The following ZNF451 variants were observed in gnomAD, a reference collection of about 807,000 sequenced individuals.
ZNF451 encodes zinc finger protein 451, also known as E3 SUMO-protein ligase ZNF451.
Under a neutral mutation model 107.1 loss-of-function variants are expected in ZNF451, and 80 were observed. The observed-to-expected ratio is 0.75, with a 90% CI of 0.62 to 0.90. ZNF451 has a LOEUF of 0.90. Among genes scored for constraint, ZNF451 ranks in the 40% least tolerant of loss-of-function variants. ZNF451 has a pLI of 0.00. For synonymous variants in ZNF451, 362 were observed against 406.5 expected (o/e 0.89, Z 1.32); for missense variants, 1,107 against 1,236.2 (o/e 0.90, Z 1.57).
In ZNF451 at chr6:57,118,504, C is replaced by G. The variant is rs201356968; in HGVS notation, c.187-6230C>G. On this transcript the variant is annotated intron_variant, in intron 3 of 14. Coordinates refer to ENST00000370706, the MANE Select transcript of ZNF451 (RefSeq NM_001031623.3). ...TAAATTTAATTTGACCTTTCTCCCC[C>G]TTTTTTTAGAAGAGAGTCTTGCTTT... is the stretch of plus-strand genomic sequence containing the variant. 1.7e-4 allele frequency among the ~76,000 whole-genome samples: 26 copies of G among 152,150 alleles called. No homozygotes were observed. The East Asian group carries it at 4.8e-3, about 28-fold the overall frequency.
chr6:57,152,259 AT>A lies in ZNF451; in HGVS notation c.2794del (p.Tyr932IlefsTer4). 1 of 1,613,838 alleles carries A rather than the reference AT, an allele frequency of 6.2e-7. No homozygotes were observed. Among genetic ancestry groups the A allele is most frequent in the Non-Finnish European group, 8.5e-7 (1 of 1,179,882 alleles). On this transcript the variant is annotated frameshift_variant, in exon 12 of 15. Transcript: ENST00000370706. LOFTEE classifies it high-confidence loss of function. ...TTGGAAGCCTCCGCTCAACTGTAAG[AT>A]TTATAACTACCTGAACAGGATTGGA... Reference protein sequence around the residue: ...TNWKPPLNCKIYNYLNRIGCF... With the variant: ...TNWKPPLNCKXYNYLNRIGCF...
intron 4 of ZNF451, 75 bp from the exon 5 acceptor site, chr6:57,128,654 A>T: frequency 1.1e-6 from 1 of 908,578 alleles, no homozygotes; most frequent in Non-Finnish European, 1.7e-6. Flanking sequence ...TTTTCTGATC[A>T]CTAATGTGTC....
intron 3 of ZNF451, among the ~76,000 whole-genome samples, chr6:57,120,683 A>C (rs1352988044): frequency 1.3e-5 from 2 of 152,062 alleles, no homozygotes; most frequent in African/African-American, 4.8e-5. Context: ...TGTAATCTGT[A>C]TATCTTCTTT....
intron 3 of ZNF451, chr6:57,108,940 T>C: frequency 1.0e-6 from 1 of 985,444 alleles, no homozygotes; most frequent in South Asian, 4.7e-5. Context: ...CAATTCAGCA[T>C]TATACTAGGC....
chr6:57,153,109 T>G (rs541487951), intron 12 of ZNF451, among the ~76,000 whole-genome samples: 40 of 152,296 alleles, frequency 2.6e-4, no homozygotes, highest in African/African-American at 9.1e-4. Flanking sequence ...CTCTGCAAAC[T>G]TGTTGACTGC....
intron 3 of ZNF451, among the ~76,000 whole-genome samples, chr6:57,119,480 C>G (rs181753916): frequency 2.0e-5 from 3 of 151,914 alleles, no homozygotes; most frequent in Non-Finnish European, 4.4e-5. Flanking sequence ...GCCGAGATCG[C>G]GCCACTGCAC....
intron 3 of ZNF451, chr6:57,102,657 G>T: frequency 7.1e-6 from 7 of 985,462 alleles, no homozygotes; most frequent in Non-Finnish European, 8.4e-6. Flanking sequence ...CAAGCTCTGT[G>T]AGACTTCAGA....
At chr6:57,102,327 C>CA (rs1829648096) in intron 3 of ZNF451, 1 of 1,208,990 alleles carries the variant, frequency 8.3e-7, no homozygotes, top group Non-Finnish European at 1.0e-6. Context: ...AAGGGTTGGA[C>CA]AAATGTTTAT....
chr6:57,164,010 T>G (rs1383009614), intron 14 of ZNF451, among the ~76,000 whole-genome samples: 2 of 152,202 alleles, frequency 1.3e-5, no homozygotes, highest in African/African-American at 2.4e-5. Context: ...TGAGAAATAG[T>G]GGCAGAAGAC....
chr6:57,113,876 C>A (rs1830239753), intron 3 of ZNF451, among the ~76,000 whole-genome samples: 1 of 152,160 alleles, frequency 6.6e-6, no homozygotes, highest in Admixed American at 6.5e-5. Flanking sequence ...CCACCTCGGC[C>A]TCCCAAAGTG....
intron 3 of ZNF451, chr6:57,102,995 A>G: frequency 1.0e-6 from 1 of 985,440 alleles, no homozygotes; most frequent in South Asian, 4.7e-5. Flanking sequence ...CCTTTCACCA[A>G]GATGGCCTTC....
rs1248364892 is a variant in ZNF451, at chr6:57,169,110, A to G, written c.*641A>G. The stretch of plus-strand genomic sequence containing the variant: ...AATACACCTTAATTTTTAAGAAATA[A>G]TTTAAATGAAACAATTTCCATTCCT... On this transcript the variant is annotated 3_prime_UTR_variant, in exon 15 of 15. Transcript: ENST00000370706. The G allele has an allele frequency of 6.6e-6, 1 of 152,218 alleles. No individual in the cohort carries two copies. Among genetic ancestry groups the G allele is most frequent in the Non-Finnish European group, 1.5e-5 (1 of 68,012 alleles). The allele number at this position is 152,218 out of a possible 1,614,324, so 9.4% of individuals were successfully genotyped here. A position where few individuals can be genotyped will look rare whatever the true frequency, so the allele number is the denominator to read the frequency against.
intron 3 of ZNF451, chr6:57,104,816 A>G (rs1003291538): frequency 3.0e-6 from 3 of 985,308 alleles, no homozygotes; most frequent in Non-Finnish European, 1.2e-6. Flanking sequence ...TGATATGCCC[A>G]AGTGTCTCCA....
rs138181965 is a variant in ZNF451 at position 57,122,122 on chromosome 6, TAAAC to T, written c.187-2609_187-2606del. Among the ~76,000 whole-genome samples the T allele has an allele frequency of 6.7e-3, 1,020 of 151,830 alleles. 12 individuals are homozygous for T. The highest frequency in any genetic ancestry group is 0.023 in the African/African-American group (971 of 41,406). On this transcript the variant is annotated intron_variant, in intron 3 of 14. Coordinates refer to ENST00000370706, the MANE Select transcript of ZNF451 (RefSeq NM_001031623.3). ...TCATGTTCAACAAAGTCGACAAAAA[TAAAC>T]AATCGAGAAAGGATACTCTATTCAA...
chr6:57,147,142 C>G lies in ZNF451; in HGVS notation c.1057C>G (p.Gln353Glu), dbSNP rs1832105328. 6.2e-7 allele frequency: 1 copy of G among 1,613,782 alleles called. No homozygotes were observed. The highest frequency in any genetic ancestry group is 1.3e-5 in the African/African-American group (1 of 74,886). ...AGCTGTAGCTGAGAAGAGCATTACC[C>G]AGGTTGCAGAGAAATTCATATTAAG... is the stretch of plus-strand genomic sequence containing the variant. ...PVAVAEKSIT[Q>E]VAEKFILRGY... The change falls in exon 10 of 15, where the codon CAG (glutamine) becomes GAG (glutamate). Residue 353 changes from glutamine (Q) to glutamate (E), a missense_variant. This residue lies in a region of ZNF451 where 5 missense variants were observed against 20.4 expected (regional missense o/e 0.25). Coordinates refer to ENST00000370706, the MANE Select transcript of ZNF451 (RefSeq NM_001031623.3).
At chr6:57,144,702 G>T (rs1000715973) in intron 9 of ZNF451, among the ~76,000 whole-genome samples, 2 of 152,152 alleles carry the variant, frequency 1.3e-5, no homozygotes, top group Non-Finnish European at 2.9e-5. Flanking sequence ...GCTTAGGCAG[G>T]TGGATTGCCT....
At chr6:57,093,595 C>T (rs9367707) in intron 2 of ZNF451, among the ~76,000 whole-genome samples, 17,505 of 152,080 alleles carry the variant, frequency 0.12, 1,220 homozygotes, top group African/African-American at 0.18. Context: ...GTAAATAGTC[C>T]TTAGAGGTAG....
At chr6:57,152,769 T>C (rs1473532517) in intron 12 of ZNF451, among the ~76,000 whole-genome samples, 1 of 152,128 alleles carries the variant, frequency 6.6e-6, no homozygotes, top group Non-Finnish European at 1.5e-5. Context: ...AATACTTGTA[T>C]TTTTAGTAGA....
At position 57,141,316 on chromosome 6, in the gene ZNF451, T is replaced by C; in HGVS notation, c.717T>C (p.Asp239=). 1 of 1,609,012 alleles carries C rather than the reference T, an allele frequency of 6.2e-7. No individual in the cohort carries two copies. Among genetic ancestry groups the C allele is most frequent in the African/African-American group, 1.3e-5 (1 of 74,966 alleles). ...TTATATTTTAGGAAGCCACAGATGA[T>C]GGACATAACAACAACCTTCTTCCTC... is the stretch of plus-strand genomic sequence containing the variant. The part of the protein sequence containing the change: ...DHLFDKEATD[D]GHNNNLLPQI... Residue 239 remains aspartate, a synonymous_variant, in exon 8 of 15, where the codon GAT becomes GAC. Transcript: ENST00000370706.
Sources: gnomAD v4.1 joint callset for allele counts (sites outside exome capture counted in the v4.1 genomes callset) on GRCh38, gnomAD v4.1.1 for gene constraint, gnomAD v4.1.1 regional missense constraint, MANE v1.5 for transcripts, NCBI Gene and HGNC (gene_info 2026-07-23, HGNC 2026-07-21) for gene names.